ZC3H12B: variants seen among roughly 807,000 people sequenced by gnomAD.
ZC3H12B encodes probable ribonuclease ZC3H12B.
Under a neutral mutation model 43.9 loss-of-function variants are expected in ZC3H12B, and 7 were observed. The observed-to-expected ratio is 0.16, with a 90% confidence interval of 0.09 to 0.30. ZC3H12B has a LOEUF of 0.30. Ranked by LOEUF, ZC3H12B falls within the 10% of genes least tolerant of loss-of-function variation. The pLI is 1.00. For synonymous variants in ZC3H12B, 222 were observed against 241.7 expected (o/e 0.92, Z 0.76); for missense variants, 475 against 670.2 (o/e 0.71, Z 3.22).
At chrX:65,040,715 A>T in the ZC3H12B span, among the ~76,000 whole-genome samples, 1 of 111,115 alleles carries the variant, frequency 9.0e-6, no homozygotes, top group East Asian at 2.8e-4. Context: ...GAGTCAATGG[A>T]TTATATGTAA....
At chrX:65,364,948 A>C (rs768262595), upstream of ZC3H12B, among the ~76,000 whole-genome samples, 3 of 111,314 alleles carry the variant, frequency 2.7e-5, no homozygotes, top group Admixed American at 2.9e-4. Flanking sequence ...CTTTCACTTC[A>C]TGGGTAGAGG....
At chrX:65,145,172 G>T in the ZC3H12B span, among the ~76,000 whole-genome samples, 44 of 110,010 alleles carry the variant, frequency 4.0e-4, no homozygotes, top group African/African-American at 1.4e-3. Flanking sequence ...ATATAGTTAG[G>T]ATTAGGATTG....
the ZC3H12B span, among the ~76,000 whole-genome samples, chrX:65,294,749 A>T: frequency 8.9e-6 from 1 of 111,733 alleles, no homozygotes; most frequent in Non-Finnish European, 1.9e-5. Flanking sequence ...GTCAAAAAGA[A>T]CAAAGAGGGA....
At chrX:65,311,510 A>T in the ZC3H12B span, among the ~76,000 whole-genome samples, 6 of 111,957 alleles carry the variant, frequency 5.4e-5, no homozygotes, top group African/African-American at 1.9e-4. Context: ...GCTGGAGAGA[A>T]TCTGGAGAAA....
At chrX:65,201,342 G>A in the ZC3H12B span, among the ~76,000 whole-genome samples, 2 of 111,688 alleles carry the variant, frequency 1.8e-5, no homozygotes, top group African/African-American at 6.5e-5. Context: ...GTATAGAGAT[G>A]TCTATAATAT....
At chrX:65,053,713 C>A in the ZC3H12B span, among the ~76,000 whole-genome samples, 1 of 111,704 alleles carries the variant, frequency 9.0e-6, no homozygotes, top group Non-Finnish European at 1.9e-5. Flanking sequence ...AACTAGTTTA[C>A]AGTCCCACCA....
At chrX:65,070,074 C>G in the ZC3H12B span, among the ~76,000 whole-genome samples, 1 of 103,278 alleles carries the variant, frequency 9.7e-6, no homozygotes, top group Admixed American at 1.1e-4. Flanking sequence ...TGAATCAGGG[C>G]TTTTTGTTTG....
At chrX:65,194,405 TA>T in the ZC3H12B span, among the ~76,000 whole-genome samples, 8,946 of 109,459 alleles carry the variant, frequency 0.082, 1,026 homozygotes, top group African/African-American at 0.29. Context: ...AATAATAAAA[TA>T]AAAAAATAAA....
chrX:65,281,935 G>C, the ZC3H12B span, among the ~76,000 whole-genome samples: 1 of 111,571 alleles, frequency 9.0e-6, no homozygotes, highest in Non-Finnish European at 1.9e-5. Flanking sequence ...TTTATCCCTA[G>C]GACGCAAGGA....
At chrX:65,226,436 G>T in the ZC3H12B span, among the ~76,000 whole-genome samples, 15 of 111,523 alleles carry the variant, frequency 1.3e-4, no homozygotes, top group African/African-American at 3.6e-4. Flanking sequence ...TGTAAAGACC[G>T]TCAAGGCTAG....
At chrX:65,408,747 A>G (rs2066867971) in intron 3 of ZC3H12B, 2 of 521,632 alleles carry the variant, frequency 3.8e-6, no homozygotes, top group Non-Finnish European at 3.1e-6. Context: ...GAGAGCCCCA[A>G]CCTATACAGA....
At chrX:65,148,282 G>C in the ZC3H12B span, among the ~76,000 whole-genome samples, 1 of 111,648 alleles carries the variant, frequency 9.0e-6, no homozygotes, top group African/African-American at 3.3e-5. Flanking sequence ...GCCTGGGACT[G>C]TGAGGGATGG....
the ZC3H12B span, among the ~76,000 whole-genome samples, chrX:65,071,115 T>C: frequency 9.1e-6 from 1 of 110,134 alleles, no homozygotes; most frequent in African/African-American, 3.3e-5. Context: ...AAGGAACTTA[T>C]TTTATGAATG....
the ZC3H12B span, among the ~76,000 whole-genome samples, chrX:65,334,962 A>T: frequency 8.9e-6 from 1 of 111,767 alleles, no homozygotes; most frequent in African/African-American, 3.3e-5. Context: ...ACACTTCCGT[A>T]TCTTCCAGGT....
the ZC3H12B span, among the ~76,000 whole-genome samples, chrX:65,060,927 A>G: frequency 8.1e-5 from 9 of 111,407 alleles, no homozygotes; most frequent in Non-Finnish European, 1.3e-4. Flanking sequence ...TTGTTACTAT[A>G]GCTTCATTTT....
chrX:65,083,247 G>A, the ZC3H12B span, among the ~76,000 whole-genome samples: 1 of 111,312 alleles, frequency 9.0e-6, no homozygotes, highest in Non-Finnish European at 1.9e-5. Context: ...ACACATTACT[G>A]GAATTCCTAG....
the ZC3H12B span, among the ~76,000 whole-genome samples, chrX:65,310,203 T>A: frequency 8.9e-6 from 1 of 111,791 alleles, no homozygotes; most frequent in South Asian, 3.8e-4. Context: ...AAAGAGGAAG[T>A]CAAATTGTCC....
rs771767631 is a variant in ZC3H12B, at chrX:65,503,329, A to G, written c.*120A>G. 35 of 636,276 alleles carry G rather than the reference A, an allele frequency of 5.5e-5. No individual in the cohort carries two copies. In the South Asian group the frequency reaches 1.3e-3, roughly 23 times the overall value. 52.4% of individuals were successfully genotyped at this position (636,276 alleles called of 1,213,427 possible). A position where few individuals can be genotyped will look rare whatever the true frequency, so the allele number is the denominator to read the frequency against. ...CTTTACAAGTTAGAGTGTTTATATC[A>G]TTTAAGCGCTTAACAACCCTGTGAG... is the stretch of plus-strand genomic sequence containing the variant. On this transcript the variant is annotated 3_prime_UTR_variant, in exon 5 of 5. Transcript: ENST00000338957.
chrX:65,228,633 C>T, the ZC3H12B span, among the ~76,000 whole-genome samples: 387 of 111,758 alleles, frequency 3.5e-3, 8 homozygotes, highest in Admixed American at 0.027. Context: ...ATCTAGAAAA[C>T]CCGATTGTCT....
Sources: gnomAD v4.1 joint callset for allele counts (sites outside exome capture counted in the v4.1 genomes callset) on GRCh38, gnomAD v4.1.1 for gene constraint, MANE v1.5 for transcripts, NCBI Gene and HGNC (gene_info 2026-07-23, HGNC 2026-07-21) for gene names.